The following GRK3 variants were observed in gnomAD, a reference collection of about 807,000 sequenced individuals.
The protein encoded by GRK3 is adrenergic, beta, receptor kinase 2.
A neutral mutation model predicts 95.7 loss-of-function variants in GRK3; 54 were observed. That is an observed-to-expected ratio of 0.56 (90% CI 0.45 to 0.71). GRK3 has a LOEUF of 0.71. Among genes scored for constraint, GRK3 ranks in the 30% least tolerant of loss-of-function variants. GRK3 has a pLI of 0.00. For synonymous variants in GRK3, 281 were observed against 290.8 expected (o/e 0.97, Z 0.34); for missense variants, 649 against 851.2 (o/e 0.76, Z 2.96).
intron 13 of GRK3, among the ~76,000 whole-genome samples, chr22:25,695,890 A>G (rs958081766): frequency 6.8e-6 from 1 of 146,322 alleles, no homozygotes; most frequent in Non-Finnish European, 1.5e-5. Context: ...GCTGGAGTGC[A>G]GTGGCACATC....
intron 2 of GRK3, among the ~76,000 whole-genome samples, chr22:25,618,667 A>C (rs547628695): frequency 1.3e-5 from 2 of 151,242 alleles, no homozygotes; most frequent in South Asian, 4.2e-4. Context: ...TTTGAATTGA[A>C]TATACTTTGG....
chr22:25,619,346 C>T (rs1459598460), intron 2 of GRK3, among the ~76,000 whole-genome samples: 4 of 152,100 alleles, frequency 2.6e-5, no homozygotes, highest in Admixed American at 6.5e-5. Flanking sequence ...ATTCTTGGCC[C>T]CCTTTTACAG....
At chr22:25,700,223 T>C (rs1050027803) in intron 13 of GRK3, among the ~76,000 whole-genome samples, 3 of 152,248 alleles carry the variant, frequency 2.0e-5, no homozygotes, top group Admixed American at 6.5e-5. Flanking sequence ...TATCTTTGAG[T>C]GCTGGTCACT....
At position 25,590,920 on chromosome 22, in the gene GRK3, A is replaced by G. The variant is rs112413206; in HGVS notation, c.114-13457A>G. Among the ~76,000 whole-genome samples the G allele has an allele frequency of 3.6e-3, 551 of 152,352 alleles. 5 individuals carry two copies. Among genetic ancestry groups the G allele is most frequent in the South Asian group, 9.7e-3 (47 of 4,830 alleles). ...TGAGTTTATCTACATTGGCAAAACC[A>G]TTACCCAAATTCAGATAATGAACGT... is the stretch of plus-strand genomic sequence containing the variant. On this transcript the variant is annotated intron_variant, in intron 1 of 20. Coordinates refer to ENST00000324198, the MANE Select transcript of GRK3 (RefSeq NM_005160.4).
chr22:25,626,119 G>A (rs2084626258), intron 2 of GRK3, among the ~76,000 whole-genome samples: 1 of 152,072 alleles, frequency 6.6e-6, no homozygotes, highest in African/African-American at 2.4e-5. Context: ...TGACCCTGTG[G>A]GGCTGGTCCC....
At chr22:25,569,656 C>G (rs536312399) in intron 1 of GRK3, among the ~76,000 whole-genome samples, 1 of 152,184 alleles carries the variant, frequency 6.6e-6, no homozygotes, top group Non-Finnish European at 1.5e-5. Context: ...GGCTGGCCAG[C>G]AAAGCAGTGA....
intron 6 of GRK3, among the ~76,000 whole-genome samples, chr22:25,671,681 A>G (rs1028703034): frequency 1.6e-4 from 25 of 152,256 alleles, no homozygotes; most frequent in Non-Finnish European, 3.1e-4. Flanking sequence ...GGATCATAAT[A>G]GTACCTGGCT....
At chr22:25,633,028 A>T (rs1025109042) in intron 2 of GRK3, among the ~76,000 whole-genome samples, 2 of 151,884 alleles carry the variant, frequency 1.3e-5, no homozygotes, top group Non-Finnish European at 2.9e-5. Flanking sequence ...CTCCTGCCTC[A>T]GCCTCCCAAG....
chr22:25,676,689 T>C (rs2085032396), intron 8 of GRK3, among the ~76,000 whole-genome samples: 1 of 126,428 alleles, frequency 7.9e-6, no homozygotes, highest in African/African-American at 4.6e-5. Context: ...AGACTCAGTC[T>C]CAAAAAAAAA....
chr22:25,714,704 T>G (rs1210619307), intron 18 of GRK3, 134 bp downstream of exon 18: 7 of 807,504 alleles, frequency 8.7e-6, no homozygotes, highest in Non-Finnish European at 1.3e-5. Flanking sequence ...TCGCTTTAGT[T>G]TGCTCTGGCT....
intron 5 of GRK3, among the ~76,000 whole-genome samples, chr22:25,664,850 A>G (rs2084931947): frequency 2.0e-5 from 3 of 152,226 alleles, no homozygotes; most frequent in Admixed American, 6.5e-5. Context: ...TGTTTATGCA[A>G]AATGAATTTG....
At chr22:25,566,382 A>AT (rs773457428) in intron 1 of GRK3, among the ~76,000 whole-genome samples, 9 of 152,088 alleles carry the variant, frequency 5.9e-5, no homozygotes, top group African/African-American at 1.7e-4. Flanking sequence ...TCATCATCTG[A>AT]TTTTTTTTAC....
At chr22:25,703,202 A>ATG (rs2146454609) in intron 13 of GRK3, among the ~76,000 whole-genome samples, 1 of 152,276 alleles carries the variant, frequency 6.6e-6, no homozygotes, top group Admixed American at 6.5e-5. Context: ...TTTTATTCTC[A>ATG]TGATTACCTG....
intron 12 of GRK3, among the ~76,000 whole-genome samples, chr22:25,694,519 C>T (rs575503204): frequency 6.6e-6 from 1 of 152,318 alleles, no homozygotes; most frequent in South Asian, 2.1e-4. Flanking sequence ...TCCTTTTGAC[C>T]TTCTGCAGCT....
intron 11 of GRK3, among the ~76,000 whole-genome samples, chr22:25,688,295 T>C (rs538308011): frequency 1.3e-5 from 2 of 151,540 alleles, no homozygotes; most frequent in African/African-American, 4.8e-5. Context: ...CATTTCATAG[T>C]TAATTATAAT....
intron 15 of GRK3, among the ~76,000 whole-genome samples, chr22:25,709,194 T>C (rs567943849): frequency 4.6e-5 from 7 of 152,134 alleles, no homozygotes; most frequent in South Asian, 2.1e-4. Flanking sequence ...CCCGTCACCA[T>C]GCCCGGCTAA....
At chr22:25,614,134 T>C (rs2084519968) in intron 2 of GRK3, among the ~76,000 whole-genome samples, 1 of 152,044 alleles carries the variant, frequency 6.6e-6, no homozygotes, top group Non-Finnish European at 1.5e-5. Flanking sequence ...TTAATGTTAT[T>C]TATTTATTTT....
At chr22:25,694,597 TC>T (rs1367436461) in intron 12 of GRK3, among the ~76,000 whole-genome samples, 1 of 152,128 alleles carries the variant, frequency 6.6e-6, no homozygotes, top group Non-Finnish European at 1.5e-5. Context: ...TTCTTTCCCA[TC>T]CCCCTGGGGT....
rs376645985 is a variant in GRK3, at chr22:25,577,822, T to C, written c.113+12669T>C. On this transcript the variant is annotated intron_variant, in intron 1 of 20. Transcript: ENST00000324198. ...TCTTACATAGGTGCCTTTGGGTCTA[T>C]GTGTGAGCCTTTCTCTAAGATAGAC... Among the ~76,000 whole-genome samples, 22 of 152,360 alleles carry C rather than the reference T, an allele frequency of 1.4e-4. 1 individual carries two copies. In the East Asian group the frequency reaches 2.7e-3, roughly 19 times the overall value.
Sources: allele counts gnomAD v4.1 joint callset (sites outside exome capture counted in the v4.1 genomes callset), GRCh38; gene constraint gnomAD v4.1.1; transcripts MANE v1.5; gene names NCBI Gene and HGNC (gene_info 2026-07-23, HGNC 2026-07-21).